The following ABCC4 variants were observed in gnomAD, a reference collection of about 807,000 sequenced individuals.
ABCC4 encodes ATP binding cassette subfamily C member 4 (PEL blood group), also known as ATP-binding cassette sub-family C member 4.
A neutral mutation model predicts 168.5 loss-of-function variants in ABCC4; 102 were observed. The observed-to-expected ratio is 0.61, with a 90% CI of 0.52 to 0.71. The LOEUF is 0.71. Ranked by LOEUF, ABCC4 falls within the 30% of genes least tolerant of loss-of-function variation. The pLI is 0.00. For synonymous variants in ABCC4, 617 were observed against 590.7 expected (o/e 1.04, Z -0.65); for missense variants, 1,402 against 1,605.8 (o/e 0.87, Z 2.17).
At chr13:95,235,556 G>A (rs1362421787) in intron 3 of ABCC4, among the ~76,000 whole-genome samples, 3 of 152,322 alleles carry the variant, frequency 2.0e-5, no homozygotes, top group East Asian at 3.9e-4. Context: ...TCTATGGGAG[G>A]CCAGCACTCT....
intron 20 of ABCC4, among the ~76,000 whole-genome samples, chr13:95,090,558 C>T (rs1448816752): frequency 6.6e-6 from 1 of 152,104 alleles, no homozygotes; most frequent in Non-Finnish European, 1.5e-5. Flanking sequence ...CACAGGAAGC[C>T]GTATCCACAC....
chr13:95,157,088 C>CCACA (rs67671921), intron 19 of ABCC4, among the ~76,000 whole-genome samples: 3,889 of 134,610 alleles, frequency 0.029, 110 homozygotes, highest in African/African-American at 0.075. Flanking sequence ...TGAGACTCTA[C>CCACA]CACACACACA....
At chr13:95,066,797 G>C (rs2033563892) in intron 25 of ABCC4, among the ~76,000 whole-genome samples, 1 of 152,232 alleles carries the variant, frequency 6.6e-6, no homozygotes. Context: ...GCCTGGCTCT[G>C]TATTCCCTTG....
intron 8 of ABCC4, among the ~76,000 whole-genome samples, chr13:95,196,639 AG>A (rs1446300411): frequency 4.2e-4 from 4 of 9,632 alleles, no homozygotes; most frequent in Admixed American, 2.5e-3. Flanking sequence ...GAAGGAAGGA[AG>A]GAAGGAAGGA....
At chr13:95,026,579 C>T (rs2031554890) in intron 30 of ABCC4, among the ~76,000 whole-genome samples, 1 of 152,008 alleles carries the variant, frequency 6.6e-6, no homozygotes. Context: ...AAACTAATGA[C>T]CCTTTCAGCA....
At chr13:95,085,308 C>T (rs1005108356) in intron 20 of ABCC4, among the ~76,000 whole-genome samples, 1 of 151,602 alleles carries the variant, frequency 6.6e-6, no homozygotes, top group African/African-American at 2.4e-5. Context: ...GGTGTGGTGC[C>T]GCATATTTGT....
chr13:95,109,981 G>GA (rs372000740), intron 20 of ABCC4, among the ~76,000 whole-genome samples: 2,474 of 150,350 alleles, frequency 0.016, 68 homozygotes, highest in African/African-American at 0.058. Flanking sequence ...AAGCTGGTGG[G>GA]AAAAAAAAAT....
chr13:95,160,850 T>C (rs985287491), intron 19 of ABCC4, among the ~76,000 whole-genome samples: 3 of 152,222 alleles, frequency 2.0e-5, no homozygotes, highest in Non-Finnish European at 4.4e-5. Flanking sequence ...GTTTAGCAAC[T>C]ATTCAACTAC....
chr13:95,033,813 T>C (rs1566359567), intron 30 of ABCC4, among the ~76,000 whole-genome samples: 1 of 152,036 alleles, frequency 6.6e-6, no homozygotes, highest in African/African-American at 2.4e-5. Flanking sequence ...AGGCATGTGC[T>C]ACCACTCCCA....
At chr13:95,242,289 G>A (rs982527230) in intron 3 of ABCC4, among the ~76,000 whole-genome samples, 12 of 151,562 alleles carry the variant, frequency 7.9e-5, no homozygotes, top group South Asian at 2.1e-4. Context: ...GTGCAGTGGC[G>A]TGATCTCAGC....
intron 19 of ABCC4, among the ~76,000 whole-genome samples, chr13:95,124,416 G>C (rs968264374): frequency 2.0e-5 from 3 of 151,900 alleles, no homozygotes; most frequent in Admixed American, 1.3e-4. Context: ...CTGCTGCCAG[G>C]CATGGTGGCT....
intron 20 of ABCC4, among the ~76,000 whole-genome samples, chr13:95,094,211 C>T (rs909844987): frequency 1.3e-5 from 2 of 151,774 alleles, no homozygotes; most frequent in Admixed American, 6.6e-5. Flanking sequence ...AAAAAGAGCC[C>T]GCAGAGCCAA....
At chr13:95,188,425 C>T (rs1320502915) in intron 10 of ABCC4, 28 bp downstream of exon 10, 1 of 1,608,916 alleles carries the variant, frequency 6.2e-7, no homozygotes, top group South Asian at 1.1e-5. Flanking sequence ...GGGGTTGCAA[C>T]AAGCTGCCAA....
intron 25 of ABCC4, among the ~76,000 whole-genome samples, chr13:95,067,225 A>G (rs1363304227): frequency 1.3e-5 from 2 of 152,220 alleles, no homozygotes; most frequent in Admixed American, 1.3e-4. Context: ...GAAAACTGTG[A>G]TAGAAGACAG....
At chr13:95,242,468 C>T (rs1004378042) in intron 3 of ABCC4, among the ~76,000 whole-genome samples, 9 of 152,164 alleles carry the variant, frequency 5.9e-5, no homozygotes, top group South Asian at 2.1e-4. Context: ...CCTTGTGATC[C>T]GCCCGCCTTG....
intron 3 of ABCC4, among the ~76,000 whole-genome samples, chr13:95,236,637 TCAC>T (rs1458229189): frequency 1.7e-4 from 26 of 151,858 alleles, no homozygotes; most frequent in African/African-American, 6.3e-4. Context: ...CTCACACACT[TCAC>T]CAACTGCACT....
chr13:95,235,666 AAGAGTCGGT>A (rs1437011671), intron 3 of ABCC4, among the ~76,000 whole-genome samples: 2 of 152,194 alleles, frequency 1.3e-5, no homozygotes, highest in African/African-American at 2.4e-5. Flanking sequence ...TCCAAACTCC[AAGAGTCGGT>A]AGATCTAACA....
At chr13:95,079,406 G>A (rs528512338) in intron 21 of ABCC4, among the ~76,000 whole-genome samples, 1 of 152,308 alleles carries the variant, frequency 6.6e-6, no homozygotes, top group African/African-American at 2.4e-5. Context: ...ACCTCTCAGG[G>A]TTATTACGGT....
In ABCC4 at chr13:95,163,168, A is replaced by G. The variant is rs1372663308; in HGVS notation, c.2262T>C (p.Asn754=). The G allele has an allele frequency of 6.2e-7, 1 of 1,613,636 alleles. No homozygotes were observed. Among genetic ancestry groups the G allele is most frequent in the South Asian group, 1.1e-5 (1 of 90,998 alleles). The change falls in exon 18 of 31, where the codon AAT becomes AAC. Residue 754 remains asparagine (N), a synonymous_variant. Transcript: ENST00000645237. ...AGTTAAGATCTAGCTTCTCGGTTAC[A>G]TTTCCTCCTCCATTTACAGTGACAT... ...MLNVTVNGGG[N]VTEKLDLNWY...
Sources: gnomAD v4.1 joint callset for allele counts (sites outside exome capture counted in the v4.1 genomes callset) on GRCh38, gnomAD v4.1.1 for gene constraint, MANE v1.5 for transcripts, NCBI Gene and HGNC (gene_info 2026-07-23, HGNC 2026-07-21) for gene names.